Variants in TMC7 observed in about 807,000 individuals in gnomAD.
TMC7 encodes the protein transmembrane channel like 7.
A neutral mutation model predicts 82.9 loss-of-function variants in TMC7; 54 were observed. The ratio of observed to expected loss-of-function variants is 0.65; its 90% CI spans 0.52 to 0.82. TMC7 has a LOEUF of 0.82. Among genes scored for constraint, TMC7 ranks in the 40% least tolerant of loss-of-function variants. TMC7 has a pLI of 0.00. For missense variants in TMC7, 820 were observed against 901.2 expected (o/e 0.91, Z 1.15); for synonymous variants, 350 against 337.9 (o/e 1.04, Z -0.39).
intron 1 of TMC7, among the ~76,000 whole-genome samples, chr16:18,998,671 G>C (rs561743264): frequency 1.3e-5 from 2 of 151,808 alleles, no homozygotes; most frequent in African/African-American, 4.8e-5. Context: ...GGAGAATGGC[G>C]TGAACCCAGG....
At chr16:18,989,700 G>A (rs1167829668) in intron 1 of TMC7, among the ~76,000 whole-genome samples, 1 of 151,328 alleles carries the variant, frequency 6.6e-6, no homozygotes, top group Admixed American at 6.6e-5. Context: ...AACGGTAAAG[G>A]GACAAATAGG....
chr16:19,017,407 ATAT>A (rs1596747906), intron 3 of TMC7, among the ~76,000 whole-genome samples: 1 of 149,646 alleles, frequency 6.7e-6, no homozygotes, highest in Non-Finnish European at 1.5e-5. Flanking sequence ...TAATATTTTA[ATAT>A]TAGTAAACTA....
At chr16:19,043,036 G>A (rs568707779) in intron 9 of TMC7, among the ~76,000 whole-genome samples, 4 of 151,872 alleles carry the variant, frequency 2.6e-5, no homozygotes, top group African/African-American at 9.7e-5. Context: ...GTGAGCCACC[G>A]TGCCCGGCTA....
chr16:19,053,188 T>C (rs1961616008), intron 13 of TMC7, among the ~76,000 whole-genome samples: 1 of 152,176 alleles, frequency 6.6e-6, no homozygotes, highest in Non-Finnish European at 1.5e-5. Flanking sequence ...ACGTAACAAC[T>C]GTTAACATTT....
intron 4 of TMC7, among the ~76,000 whole-genome samples, chr16:19,022,191 G>A (rs565244815): frequency 1.8e-4 from 27 of 152,294 alleles, no homozygotes; most frequent in African/African-American, 6.5e-4. Context: ...CATATCCCCA[G>A]ATGTGTGGGG....
chr16:19,056,392 AG>A, intron 13 of TMC7, 149 bp from the exon 14 acceptor site: 1 of 894,698 alleles, frequency 1.1e-6, no homozygotes, highest in Non-Finnish European at 1.6e-6. Flanking sequence ...AGCCAGGGTA[AG>A]CATTTTCGAC....
At chr16:19,010,780 T>G (rs946835762) in intron 2 of TMC7, among the ~76,000 whole-genome samples, 32 of 152,216 alleles carry the variant, frequency 2.1e-4, no homozygotes, top group African/African-American at 6.8e-4. Context: ...TCTGCTGATC[T>G]AGGCTGGGGA....
chr16:19,045,496 TACAC>T, intron 11 of TMC7, 58 bp downstream of exon 11: 7 of 1,111,896 alleles, frequency 6.3e-6, no homozygotes, highest in Admixed American at 1.7e-5. Context: ...CACACACACA[TACAC>T]ACACACACAA....
At chr16:19,036,226 C>T (rs969405408) in intron 7 of TMC7, among the ~76,000 whole-genome samples, 5 of 152,096 alleles carry the variant, frequency 3.3e-5, no homozygotes, top group African/African-American at 9.7e-5. Flanking sequence ...TGAAAAAGTA[C>T]AGACCGGGCG....
At chr16:19,042,197 A>T (rs1420974776) in intron 9 of TMC7, among the ~76,000 whole-genome samples, 3 of 151,276 alleles carry the variant, frequency 2.0e-5, no homozygotes, top group Non-Finnish European at 4.4e-5. Context: ...TTATTTATTT[A>T]TTTTTTTTGA....
chr16:19,062,115 T>C lies in TMC7; in HGVS notation c.*272T>C, dbSNP rs926313619. 2.6e-6 allele frequency: 1 copy of C among 382,626 alleles called. No homozygotes were observed. Among genetic ancestry groups the C allele is most frequent in the Admixed American group, 4.2e-5 (1 of 23,554 alleles). The allele number at this position is 382,626 out of a possible 1,614,324, so 23.7% of individuals were successfully genotyped here. On this transcript the variant is annotated 3_prime_UTR_variant, in exon 16 of 16. Coordinates refer to ENST00000304381, the MANE Select transcript of TMC7 (RefSeq NM_024847.4). Reference sequence around the variant, plus strand: ...AAAAACCAACAAGCCATTCAAGCTTTTACAAGAATGAAAGAGCGGAGACGG... The same window carrying C: ...AAAAACCAACAAGCCATTCAAGCTTCTACAAGAATGAAAGAGCGGAGACGG...
intron 12 of TMC7, among the ~76,000 whole-genome samples, chr16:19,050,699 C>T (rs983063369): frequency 6.6e-6 from 1 of 152,050 alleles, no homozygotes; most frequent in Non-Finnish European, 1.5e-5. Flanking sequence ...TGGGGTTTCA[C>T]CATGTTGGCC....
Position 19,061,632 on chromosome 16 carries a change from G to C in TMC7, c.2107-146G>C, listed in dbSNP as rs1962015579. ...AGGATCGGCTGCTTTGTGGACAAGGGGCTGTGGAGCAGACACAATGACAGA... is the reference window on the plus strand; with the variant it reads ...AGGATCGGCTGCTTTGTGGACAAGGCGCTGTGGAGCAGACACAATGACAGA... On this transcript the variant is annotated intron_variant, in intron 15 of 15. Coordinates refer to ENST00000304381, the MANE Select transcript of TMC7 (RefSeq NM_024847.4). 4.9e-6 allele frequency: 3 copies of C among 608,858 alleles called. No homozygotes were observed. The South Asian group carries it at 7.2e-5, about 15-fold the overall frequency. The allele number at this position is 608,858 out of a possible 1,614,324, so 37.7% of individuals were successfully genotyped here.
intron 14 of TMC7, 49 bp from the exon 15 acceptor site, chr16:19,059,367 C>T: frequency 6.3e-7 from 1 of 1,593,550 alleles, no homozygotes; most frequent in Non-Finnish European, 8.6e-7. Context: ...TTTCTATTGG[C>T]CTTCAGATGA....
chr16:19,015,115 C>G (rs1412248671), intron 2 of TMC7, among the ~76,000 whole-genome samples: 4 of 151,986 alleles, frequency 2.6e-5, no homozygotes, highest in Non-Finnish European at 5.9e-5. Flanking sequence ...AGGTGCCTGC[C>G]ACCATGCCCA....
chr16:19,021,847 A>G (rs753983369), intron 4 of TMC7, 51 bp downstream of exon 4: 1 of 1,577,654 alleles, frequency 6.3e-7, no homozygotes, highest in Non-Finnish European at 8.6e-7. Context: ...TTCACCATGT[A>G]CCTTGCTACA....
At chr16:19,031,667 T>C (rs1960522930) in intron 6 of TMC7, among the ~76,000 whole-genome samples, 1 of 152,060 alleles carries the variant, frequency 6.6e-6, no homozygotes, top group South Asian at 2.1e-4. Context: ...CGAGACTCTG[T>C]CTCAAAAACA....
Position 19,063,282 on chromosome 16 carries a change from G to A in TMC7, c.*1439G>A, listed in dbSNP as rs745321874. ...AAAAAAATAAATTCTGCTGGGCACA[G>A]TGGCTCATGCCTGCAATCCCAGAAC... On this transcript the variant is annotated 3_prime_UTR_variant, in exon 16 of 16. Coordinates refer to ENST00000304381, the MANE Select transcript of TMC7 (RefSeq NM_024847.4). 16 of 152,204 alleles carry A rather than the reference G, an allele frequency of 1.1e-4. No individual in the cohort carries two copies. Among genetic ancestry groups the A allele is most frequent in the Non-Finnish European group, 5.9e-5 (4 of 68,048 alleles). The allele number at this position is 152,204 out of a possible 1,614,324, so 9.4% of individuals were successfully genotyped here. A position where few individuals can be genotyped will look rare whatever the true frequency, so the allele number is the denominator to read the frequency against.
chr16:18,996,823 G>A (rs956744007), intron 1 of TMC7, among the ~76,000 whole-genome samples: 2 of 152,190 alleles, frequency 1.3e-5, no homozygotes, highest in Admixed American at 6.5e-5. Flanking sequence ...GCATCCCTGC[G>A]GTGATCAGAC....
Sources: allele counts gnomAD v4.1 joint callset (sites outside exome capture counted in the v4.1 genomes callset), GRCh38; gene constraint gnomAD v4.1.1; transcripts MANE v1.5; gene names NCBI Gene and HGNC (gene_info 2026-07-23, HGNC 2026-07-21).